ZHX3: variants seen among roughly 807,000 people sequenced by gnomAD.
The protein encoded by ZHX3 is zinc fingers and homeoboxes 3.
A neutral mutation model predicts 64.5 loss-of-function variants in ZHX3; 20 were observed. The observed-to-expected ratio is 0.31, with a 90% CI of 0.22 to 0.45. The LOEUF (loss-of-function observed/expected upper bound fraction) is 0.45. Ranked by LOEUF, ZHX3 falls within the 20% of genes least tolerant of loss-of-function variation. The pLI, the probability that ZHX3 is intolerant of heterozygous loss-of-function variation, is 1.00. For synonymous variants in ZHX3, 423 were observed against 461.6 expected, an observed-to-expected ratio of 0.92 and a Z score of 1.07; for missense variants, 1,041 against 1,195.8, an observed-to-expected ratio of 0.87 and a Z score of 1.91.
At position 41,265,392 on chromosome 20, in the gene ZHX3, G is replaced by C. The variant is rs549722739; in HGVS notation, c.-151+3598C>G. ...TAATTTTGTATTTTTAGTAGAGATAGGGTTTCTCCATGTTGGTCAGGCTGG... is the reference window on the plus strand; with the variant it reads ...TAATTTTGTATTTTTAGTAGAGATACGGTTTCTCCATGTTGGTCAGGCTGG... On this transcript the variant is annotated intron_variant, in intron 2 of 3. Coordinates refer to ENST00000683867, the MANE Select transcript of ZHX3 (RefSeq NM_001384317.1). 7.9e-4 allele frequency among the ~76,000 whole-genome samples: 120 copies of C among 152,134 alleles called. 1 individual carries two copies. Among genetic ancestry groups the C allele is most frequent in the South Asian group, 5.4e-3 (26 of 4,812 alleles).
intron 2 of ZHX3, among the ~76,000 whole-genome samples, chr20:41,262,219 C>T (rs1274739341): frequency 6.6e-6 from 1 of 152,206 alleles, no homozygotes; most frequent in Non-Finnish European, 1.5e-5. Context: ...GCAGGCTGTG[C>T]TTCACATGAC....
In ZHX3 at chr20:41,204,423, G is replaced by T. The variant is rs148161083; in HGVS notation, c.494C>A (p.Ala165Glu). 3 of 1,614,122 alleles carry T rather than the reference G, an allele frequency of 1.9e-6. No individual in the cohort carries two copies. Among genetic ancestry groups the T allele is most frequent in the Admixed American group, 3.3e-5 (2 of 60,026 alleles). ...IPESTSTPDLAGEPSAEGADG... is the reference protein window; with the variant it reads ...IPESTSTPDLEGEPSAEGADG... The stretch of plus-strand genomic sequence containing the variant: ...AGCCCCTTCAGCACTGGGCTCACCC[G>T]CTAGGTCAGGAGTGCTGGTGCTCTC... Residue 165 changes from alanine (A) to glutamate (E), a missense_variant, in exon 3 of 4, where the codon GCG becomes GAG. Physicochemically the swap from Ala to Glu is moderately radical, Grantham distance 107 (BLOSUM62 -1). This residue lies in a region of ZHX3 where 358 missense variants were observed against 369.1 expected (regional missense o/e 0.97). Coordinates refer to ENST00000683867, the MANE Select transcript of ZHX3 (RefSeq NM_001384317.1). The surrounding 1 kb of genome is among the most constrained non-coding windows in gnomAD (Gnocchi z 6.6).
chr20:41,305,552 G>A (rs527427395), intron 1 of ZHX3, among the ~76,000 whole-genome samples: 1 of 152,018 alleles, frequency 6.6e-6, no homozygotes, highest in Non-Finnish European at 1.5e-5. Context: ...TGGGAGGCCG[G>A]GACGGGCGGA....
chr20:41,194,006 T>G lies in ZHX3; in HGVS notation c.2860+8051A>C, dbSNP rs1439015329. Among the ~76,000 whole-genome samples, 8 of 152,136 alleles carry G rather than the reference T, an allele frequency of 5.3e-5. 1 individual carries two copies. Among genetic ancestry groups the G allele is most frequent in the Non-Finnish European group, 1.2e-4 (8 of 68,020 alleles). On this transcript the variant is annotated intron_variant, in intron 3 of 3. Coordinates refer to ENST00000683867, the MANE Select transcript of ZHX3 (RefSeq NM_001384317.1). Reference sequence around the variant, plus strand: ...TGAGCTACCACAACTGGCCTCAAGTTTCTACATATATGATCATGTCATCTG... The same window carrying G: ...TGAGCTACCACAACTGGCCTCAAGTGTCTACATATATGATCATGTCATCTG...
chr20:41,270,470 G>T (rs749345571), intron 1 of ZHX3, among the ~76,000 whole-genome samples: 3 of 151,762 alleles, frequency 2.0e-5, no homozygotes, highest in Non-Finnish European at 4.4e-5. Flanking sequence ...GGTCAGGAGA[G>T]CGAGACCATC....
chr20:41,206,858 A>G (rs771325841), intron 2 of ZHX3, among the ~76,000 whole-genome samples: 7 of 152,208 alleles, frequency 4.6e-5, no homozygotes, highest in African/African-American at 9.6e-5. Context: ...CAGATTCACC[A>G]AAGTTGAAAT....
intron 3 of ZHX3, among the ~76,000 whole-genome samples, chr20:41,199,448 G>A (rs2038035031): frequency 6.6e-6 from 1 of 152,036 alleles, no homozygotes; most frequent in African/African-American, 2.4e-5. Context: ...CTATTTTTGT[G>A]AAGTGTGTAT....
chr20:41,201,201 C>T lies in ZHX3; in HGVS notation c.2860+856G>A, dbSNP rs2038189992. The T allele has an allele frequency of 2.1e-6, 2 of 970,450 alleles. No individual in the cohort carries two copies. The highest frequency in any genetic ancestry group is 1.7e-5 in the African/African-American group (1 of 57,996). The allele number at this position is 970,450 out of a possible 1,614,324, so 60.1% of individuals were successfully genotyped here. On this transcript the variant is annotated intron_variant, in intron 3 of 3. Coordinates refer to ENST00000683867, the MANE Select transcript of ZHX3 (RefSeq NM_001384317.1). This position sits in a 1 kb window ranked among gnomAD's most constrained non-coding sequence, Gnocchi z 5.0. ...ATAGTGTCTCCTGTACCCCCTCCCACATTGCCAACTCAGCTAGCAATGCTG... is the reference window on the plus strand; with the variant it reads ...ATAGTGTCTCCTGTACCCCCTCCCATATTGCCAACTCAGCTAGCAATGCTG...
intron 1 of ZHX3, among the ~76,000 whole-genome samples, chr20:41,311,923 C>A (rs1366974161): frequency 6.6e-6 from 1 of 152,190 alleles, no homozygotes; most frequent in African/African-American, 2.4e-5. Context: ...GGACTCTGGG[C>A]AGAGCACTGG....
intron 1 of ZHX3, among the ~76,000 whole-genome samples, chr20:41,293,406 T>A (rs1255712962): frequency 2.0e-5 from 3 of 152,202 alleles, no homozygotes; most frequent in African/African-American, 7.2e-5. Context: ...TTTTTACTGA[T>A]GAGTCACATA....
At chr20:41,296,036 A>G (rs2044498735) in intron 1 of ZHX3, among the ~76,000 whole-genome samples, 1 of 152,154 alleles carries the variant, frequency 6.6e-6, no homozygotes, top group Admixed American at 6.5e-5. Context: ...AATGAGATTC[A>G]TGTTATTAAA....
chr20:41,285,333 C>T (rs953901909), intron 1 of ZHX3, among the ~76,000 whole-genome samples: 1 of 152,092 alleles, frequency 6.6e-6, no homozygotes, highest in Non-Finnish European at 1.5e-5. Flanking sequence ...CAATAGAACC[C>T]TGAACTTTTT....
In ZHX3 at chr20:41,204,483, G is replaced by T; in HGVS notation, c.434C>A (p.Pro145Gln). 1 of 1,614,198 alleles carries T rather than the reference G, an allele frequency of 6.2e-7. No homozygotes were observed. Among genetic ancestry groups the T allele is most frequent in the Non-Finnish European group, 8.5e-7 (1 of 1,180,040 alleles). Residue 145 changes from proline (P) to glutamine (Q), a missense_variant, in exon 3 of 4, where the codon CCA (proline) becomes CAA (glutamine). This residue lies in a region of ZHX3 where 358 missense variants were observed against 369.1 expected (regional missense o/e 0.97). Transcript: ENST00000683867. The surrounding 1 kb of genome is among the most constrained non-coding windows in gnomAD (Gnocchi z 6.6). ...EASFVWNVAKPDNHVVVEQSI... is the reference protein window; with the variant it reads ...EASFVWNVAKQDNHVVVEQSI... ...CTGCTCCACAACCACATGATTGTCTGGCTTGGCCACGTTCCACACAAAGCT... is the reference window on the plus strand; with the variant it reads ...CTGCTCCACAACCACATGATTGTCTTGCTTGGCCACGTTCCACACAAAGCT...
At chr20:41,197,996 GCTC>G (rs1161226631) in intron 3 of ZHX3, among the ~76,000 whole-genome samples, 7 of 142,716 alleles carry the variant, frequency 4.9e-5, no homozygotes, top group African/African-American at 1.6e-4. Context: ...CTTAACTAGT[GCTC>G]TTTTTTTTTT....
At chr20:41,229,169 T>G (rs773361698) in intron 2 of ZHX3, among the ~76,000 whole-genome samples, 1 of 152,244 alleles carries the variant, frequency 6.6e-6, no homozygotes, top group Admixed American at 6.5e-5. Context: ...TCATATAGTA[T>G]TTGCCTTTTT....
intron 2 of ZHX3, among the ~76,000 whole-genome samples, chr20:41,244,600 T>C (rs1282753322): frequency 6.6e-6 from 1 of 152,156 alleles, no homozygotes; most frequent in Non-Finnish European, 1.5e-5. Context: ...AGGACCCTGA[T>C]TGGGAGTAGG....
At chr20:41,196,436 A>G (rs1179223385) in intron 3 of ZHX3, among the ~76,000 whole-genome samples, 1 of 5,518 alleles carries the variant, frequency 1.8e-4, no homozygotes, top group African/African-American at 6.2e-4. Context: ...TTATATAAAT[A>G]TATATATTAT....
intron 2 of ZHX3, among the ~76,000 whole-genome samples, chr20:41,247,147 G>T (rs1313839333): frequency 6.6e-6 from 1 of 151,840 alleles, no homozygotes; most frequent in Non-Finnish European, 1.5e-5. Context: ...CATGCCTGCA[G>T]TTCCAGCTAC....
chr20:41,207,626 A>T (rs1423322318), intron 2 of ZHX3, among the ~76,000 whole-genome samples: 1 of 152,280 alleles, frequency 6.6e-6, no homozygotes, highest in East Asian at 1.9e-4. Context: ...GGCACAAAGA[A>T]AGATGTTCTT....
Sources: allele counts gnomAD v4.1 joint callset (sites outside exome capture counted in the v4.1 genomes callset), GRCh38; gene constraint gnomAD v4.1.1; regional missense constraint gnomAD v4.1.1; non-coding constraint Gnocchi (gnomAD v3.1); transcripts MANE v1.5; gene names NCBI Gene and HGNC (gene_info 2026-07-23, HGNC 2026-07-21).